The following SOCS7 variants were observed in gnomAD, a reference collection of about 807,000 sequenced individuals.
SOCS7 encodes NAP-4.
Under a neutral mutation model 58.9 loss-of-function variants are expected in SOCS7, and 18 were observed. That is an observed-to-expected ratio of 0.31 (90% CI 0.21 to 0.45). The LOEUF (loss-of-function observed/expected upper bound fraction) is 0.45. Among genes scored for constraint, SOCS7 ranks in the 20% least tolerant of loss-of-function variants. SOCS7 has a pLI of 1.00. For synonymous variants in SOCS7, 388 were observed against 364.3 expected (o/e 1.06, Z -0.74); for missense variants, 667 against 837.3 (o/e 0.80, Z 2.51).
At chr17:38,361,600 A>G in intron 1 of SOCS7, 111 bp from the exon 2 acceptor site, 2 of 823,900 alleles carry the variant, frequency 2.4e-6, no homozygotes, top group Non-Finnish European at 4.3e-6. Context: ...GCTGACAACG[A>G]CTAGGGTTTG....
At chr17:38,362,783 TC>T (rs1301487145) in intron 2 of SOCS7, among the ~76,000 whole-genome samples, 5 of 152,162 alleles carry the variant, frequency 3.3e-5, no homozygotes, top group African/African-American at 1.2e-4. Flanking sequence ...ACCATGTCTT[TC>T]TAGTTAATAG....
At chr17:38,390,640 T>TCTCCTTCCTTCC (rs1267935815) in intron 7 of SOCS7, among the ~76,000 whole-genome samples, 2 of 114,400 alleles carry the variant, frequency 1.7e-5, no homozygotes, top group Non-Finnish European at 3.4e-5. Context: ...TTTTGTTCGT[T>TCTCCTTCCTTCC]TTCCTTCCTT....
At chr17:38,377,900 T>C (rs1026057613) in intron 7 of SOCS7, 58 bp downstream of exon 7, 20 of 1,536,722 alleles carry the variant, frequency 1.3e-5, no homozygotes, top group African/African-American at 2.8e-5. Context: ...CAGTTTAGTG[T>C]CAAAAAACAC....
intron 7 of SOCS7, 50 bp downstream of exon 7, chr17:38,377,892 G>T (rs767735042): frequency 9.5e-6 from 15 of 1,570,974 alleles, no homozygotes; most frequent in Middle Eastern, 4.5e-4. Flanking sequence ...GTATGATCCA[G>T]TTTAGTGTCA....
At chr17:38,360,310 C>T (rs2037699628) in intron 1 of SOCS7, among the ~76,000 whole-genome samples, 1 of 150,840 alleles carries the variant, frequency 6.6e-6, no homozygotes, top group South Asian at 2.1e-4. Context: ...AATTCTCCTA[C>T]CTCAGCCTCC....
intron 1 of SOCS7, among the ~76,000 whole-genome samples, chr17:38,354,940 A>G (rs772353292): frequency 4.6e-5 from 7 of 152,210 alleles, no homozygotes; most frequent in African/African-American, 1.7e-4. Context: ...TTTAATGGTC[A>G]TTGGCTGCTC....
At chr17:38,369,876 G>A (rs1426087796) in intron 6 of SOCS7, among the ~76,000 whole-genome samples, 2 of 150,924 alleles carry the variant, frequency 1.3e-5, no homozygotes, top group Non-Finnish European at 3.0e-5. Context: ...TGCAACCTCC[G>A]CTTCCTGGGT....
chr17:38,378,118 G>C (rs1286081725), intron 7 of SOCS7, among the ~76,000 whole-genome samples: 4 of 152,158 alleles, frequency 2.6e-5, no homozygotes, highest in Admixed American at 6.5e-5. Context: ...GACATTTGGA[G>C]GTATCCCTGA....
intron 2 of SOCS7, among the ~76,000 whole-genome samples, chr17:38,363,588 G>A (rs746675232): frequency 1.3e-5 from 2 of 152,130 alleles, no homozygotes; most frequent in Non-Finnish European, 2.9e-5. Context: ...GCCTACCTTG[G>A]CCTCCCAAAG....
At chr17:38,384,551 C>T (rs1185905806) in intron 7 of SOCS7, among the ~76,000 whole-genome samples, 2 of 151,916 alleles carry the variant, frequency 1.3e-5, no homozygotes, top group Non-Finnish European at 2.9e-5. Flanking sequence ...TTCTTAGCCT[C>T]CCAAAGTGTT....
chr17:38,368,456 G>A (rs2037820287), intron 6 of SOCS7, among the ~76,000 whole-genome samples: 1 of 152,110 alleles, frequency 6.6e-6, no homozygotes, highest in African/African-American at 2.4e-5. Context: ...CGTATACAAA[G>A]AGGGTGAATT....
At chr17:38,357,952 T>C (rs2037662083) in intron 1 of SOCS7, among the ~76,000 whole-genome samples, 1 of 152,258 alleles carries the variant, frequency 6.6e-6, no homozygotes, top group Admixed American at 6.5e-5. Flanking sequence ...TTAACTCCTT[T>C]ATCCCATAAA....
chr17:38,390,676 C>CTTCCTTCCTTCT (rs1210118654), intron 7 of SOCS7, among the ~76,000 whole-genome samples: 6 of 127,786 alleles, frequency 4.7e-5, no homozygotes, highest in African/African-American at 5.7e-5. Flanking sequence ...TCCTTCCTTC[C>CTTCCTTCCTTCT]TTCCTTCCTT....
intron 1 of SOCS7, among the ~76,000 whole-genome samples, chr17:38,355,294 A>G (rs1485075752): frequency 6.6e-6 from 1 of 152,144 alleles, no homozygotes; most frequent in Non-Finnish European, 1.5e-5. Flanking sequence ...ATAAGAGTAG[A>G]TTGTTGAGAA....
chr17:38,395,697 G>C (rs2038235972), intron 8 of SOCS7, 151 bp from the exon 9 acceptor site: 1 of 887,960 alleles, frequency 1.1e-6, no homozygotes. Context: ...AGTGGTAAGA[G>C]TAAGGAAGAC....
Position 38,360,627 on chromosome 17 carries a change from C to A in SOCS7, c.981-1084C>A, listed in dbSNP as rs1051787225. 2.0e-5 allele frequency among the ~76,000 whole-genome samples: 3 copies of A among 152,280 alleles called. No individual in the cohort carries two copies. The East Asian group carries it at 5.8e-4, about 29-fold the overall frequency. Reference sequence around the variant, plus strand: ...CGATCTTGGCTCACTGCAAGCTCCGCCTCCTGGGTTCACGCCGTTCTCCTG... The same window carrying A: ...CGATCTTGGCTCACTGCAAGCTCCGACTCCTGGGTTCACGCCGTTCTCCTG... On this transcript the variant is annotated intron_variant, in intron 1 of 9. Coordinates refer to ENST00000612932, the MANE Select transcript of SOCS7 (RefSeq NM_014598.4).
chr17:38,366,225 G>T, intron 4 of SOCS7, 62 bp from the exon 5 acceptor site: 1 of 1,581,350 alleles, frequency 6.3e-7, no homozygotes, highest in South Asian at 1.1e-5. Context: ...TTTGGGGGAG[G>T]GTCTATTTGT....
At chr17:38,387,567 T>TATATATACACAATATATTGTATATA (rs2038092672) in intron 7 of SOCS7, among the ~76,000 whole-genome samples, 1 of 138,778 alleles carries the variant, frequency 7.2e-6, no homozygotes, top group African/African-American at 2.8e-5. Context: ...CAATACATAA[T>TATATATACACAATATATTGTATATA]ATATATACAC....
chr17:38,387,042 A>C (rs918408012), intron 7 of SOCS7, among the ~76,000 whole-genome samples: 1 of 136,410 alleles, frequency 7.3e-6, no homozygotes, highest in Admixed American at 8.0e-5. Context: ...CTATCGCGCC[A>C]CTGCATTTCA....
Sources: allele counts gnomAD v4.1 joint callset (sites outside exome capture counted in the v4.1 genomes callset), GRCh38; gene constraint gnomAD v4.1.1; transcripts MANE v1.5; gene names NCBI Gene and HGNC (gene_info 2026-07-23, HGNC 2026-07-21).